Variants in DIP2C observed in about 807,000 individuals in gnomAD.
The protein encoded by DIP2C is DIP2 acetate--CoA ligase C (putative), also known as disco-interacting protein 2 homolog C.
In DIP2C, 33 loss-of-function variants were observed where a neutral mutation model predicts 192.4. The observed-to-expected ratio is 0.17, with a 90% CI of 0.13 to 0.23. The LOEUF (loss-of-function observed/expected upper bound fraction) is 0.23, where lower values mean the gene tolerates loss of function less well. DIP2C is among the 10% of genes least tolerant of loss of function. The pLI is 1.00. For missense variants in DIP2C, 1,537 were observed against 2,110.1 expected (o/e 0.73, Z 5.32); for synonymous variants, 979 against 864.1 (o/e 1.13, Z -2.33).
intron 1 of DIP2C, among the ~76,000 whole-genome samples, chr10:502,001 T>C (rs944329644): frequency 6.6e-6 from 1 of 151,912 alleles, no homozygotes; most frequent in Non-Finnish European, 1.5e-5. Context: ...AATTAATTAA[T>C]TGGGTATGAC....
intron 1 of DIP2C, among the ~76,000 whole-genome samples, chr10:556,903 C>T (rs1381301460): frequency 6.6e-6 from 1 of 151,478 alleles, no homozygotes; most frequent in African/African-American, 2.4e-5. Context: ...CCTTCACAGC[C>T]CATCAAACCT....
At chr10:489,464 C>T (rs983455054) in intron 1 of DIP2C, among the ~76,000 whole-genome samples, 3 of 152,238 alleles carry the variant, frequency 2.0e-5, no homozygotes, top group Non-Finnish European at 4.4e-5. Flanking sequence ...AGCTAGCTGG[C>T]TGACTACACA....
intron 30 of DIP2C, 94 bp downstream of exon 30, chr10:329,339 G>A: frequency 7.6e-7 from 1 of 1,313,002 alleles, no homozygotes; most frequent in South Asian, 1.7e-5. Context: ...TGTTTTGGAG[G>A]ACTGTTTTAA....
intron 1 of DIP2C, among the ~76,000 whole-genome samples, chr10:575,029 G>A (rs1178577646): frequency 6.6e-6 from 1 of 152,100 alleles, no homozygotes; most frequent in South Asian, 2.1e-4. Flanking sequence ...GAGATGCCAG[G>A]CGCTCACAAA....
intron 24 of DIP2C, among the ~76,000 whole-genome samples, chr10:352,233 C>G (rs1032017520): frequency 6.6e-5 from 10 of 152,240 alleles, no homozygotes; most frequent in Admixed American, 3.9e-4. Flanking sequence ...ATTTGAGAGG[C>G]TCAGATGAGA....
intron 3 of DIP2C, among the ~76,000 whole-genome samples, chr10:464,556 T>C (rs985909395): frequency 8.2e-4 from 29 of 35,510 alleles, no homozygotes; most frequent in South Asian, 4.6e-3. Context: ...GTTCAACCAT[T>C]GTGGAAGAGT....
intron 24 of DIP2C, among the ~76,000 whole-genome samples, chr10:352,851 T>A (rs187930441): frequency 1.3e-5 from 2 of 152,262 alleles, no homozygotes; most frequent in East Asian, 3.9e-4. Context: ...CGTGACACTG[T>A]TCCTCAGCCT....
chr10:275,224 T>C lies in DIP2C; in HGVS notation c.*2101A>G, dbSNP rs1168288147. The C allele has an allele frequency of 6.6e-6, 1 of 152,242 alleles. No individual in the cohort carries two copies. The highest frequency in any genetic ancestry group is 1.5e-5 in the Non-Finnish European group (1 of 68,054). The allele number at this position is 152,242 out of a possible 1,614,324, so 9.4% of individuals were successfully genotyped here. A position where few individuals can be genotyped will look rare whatever the true frequency, so the allele number is the denominator to read the frequency against. ...ACTGCAGCTAATGTTTCATAGTCAG[T>C]GCCTGGCCTGAAGCCCCAAACCTAC... On this transcript the variant is annotated 3_prime_UTR_variant, in exon 37 of 37. Transcript: ENST00000280886.
chr10:552,175 C>T (rs1848627519), intron 1 of DIP2C, among the ~76,000 whole-genome samples: 1 of 152,224 alleles, frequency 6.6e-6, no homozygotes, highest in Non-Finnish European at 1.5e-5. Context: ...AGAATGGCAA[C>T]TAATCTGAGA....
chr10:498,897 T>C (rs1024326157), intron 1 of DIP2C, among the ~76,000 whole-genome samples: 3 of 152,184 alleles, frequency 2.0e-5, no homozygotes, highest in African/African-American at 7.2e-5. Flanking sequence ...TTCTGAGAGC[T>C]GTGAATGTGG....
intron 3 of DIP2C, among the ~76,000 whole-genome samples, chr10:464,502 C>T (rs559179112): frequency 6.6e-6 from 1 of 152,228 alleles, no homozygotes; most frequent in Non-Finnish European, 1.5e-5. Context: ...ACAACAGATG[C>T]TGGAGAGGAT....
rs532065313 is a variant in DIP2C, at chr10:642,220, G to A, written c.85+47274C>T. 3.3e-5 allele frequency among the ~76,000 whole-genome samples: 5 copies of A among 152,262 alleles called. No homozygotes were observed. In the East Asian group the frequency reaches 7.7e-4, roughly 24 times the overall value. Reference sequence around the variant, plus strand: ...ATCCTGGCCTCTTTAAGCAGGACTCGCTGGTGTGCTAGCAAAGCAGTGCTC... The same window carrying A: ...ATCCTGGCCTCTTTAAGCAGGACTCACTGGTGTGCTAGCAAAGCAGTGCTC... On this transcript the variant is annotated intron_variant, in intron 1 of 36. Coordinates refer to ENST00000280886, the MANE Select transcript of DIP2C (RefSeq NM_014974.3).
chr10:669,382 G>A (rs1048339112), intron 1 of DIP2C: 2 of 152,194 alleles, frequency 1.3e-5, no homozygotes, highest in Admixed American at 6.5e-5. Flanking sequence ...GGCAGACACT[G>A]AATGCCTGAC....
At chr10:590,662 A>T (rs1851345061) in intron 1 of DIP2C, among the ~76,000 whole-genome samples, 1 of 152,196 alleles carries the variant, frequency 6.6e-6, no homozygotes, top group African/African-American at 2.4e-5. Context: ...GCTCCTACAC[A>T]ACACTATATC....
chr10:650,500 T>C (rs1229289084), intron 1 of DIP2C: 2 of 698,210 alleles, frequency 2.9e-6, no homozygotes, highest in Non-Finnish European at 5.2e-6. Flanking sequence ...CTGGGTTCCC[T>C]ATACTCTTCC....
chr10:318,230 CTTT>C (rs1956861243), intron 31 of DIP2C, among the ~76,000 whole-genome samples: 2 of 152,206 alleles, frequency 1.3e-5, no homozygotes, highest in Non-Finnish European at 2.9e-5. Flanking sequence ...AACTCCTCCA[CTTT>C]TTGAGTCCTG....
chr10:330,172 C>A (rs895993302), intron 29 of DIP2C, among the ~76,000 whole-genome samples: 1 of 152,004 alleles, frequency 6.6e-6, no homozygotes, highest in African/African-American at 2.4e-5. Context: ...AACTGACAGC[C>A]AGGGTGAAAA....
intron 31 of DIP2C, among the ~76,000 whole-genome samples, chr10:316,319 G>A (rs1047709621): frequency 6.6e-6 from 1 of 152,184 alleles, no homozygotes; most frequent in Non-Finnish European, 1.5e-5. Flanking sequence ...ACAAGCCTAT[G>A]GGCAGGATCC....
In DIP2C at chr10:472,452, C is replaced by T. The variant is rs757914449; in HGVS notation, c.255G>A (p.Glu85=). ...HRRRSSGSRD[E]RYRSDVHTEA... ...CCCCGTGCTTACCTGACCGATAGCGCTCATCTCGTGACCCTGAAGACCGTC... is the reference window on the plus strand; with the variant it reads ...CCCCGTGCTTACCTGACCGATAGCGTTCATCTCGTGACCCTGAAGACCGTC... Residue 85 remains glutamate, a synonymous_variant, in exon 3 of 37, where the codon GAG becomes GAA. Coordinates refer to ENST00000280886, the MANE Select transcript of DIP2C (RefSeq NM_014974.3). 10 of 1,614,044 alleles carry T rather than the reference C, an allele frequency of 6.2e-6. No individual in the cohort carries two copies. The highest frequency in any genetic ancestry group is 8.5e-6 in the Non-Finnish European group (10 of 1,180,022).
Sources: allele counts gnomAD v4.1 joint callset (sites outside exome capture counted in the v4.1 genomes callset), GRCh38; gene constraint gnomAD v4.1.1; transcripts MANE v1.5; gene names NCBI Gene and HGNC (gene_info 2026-07-23, HGNC 2026-07-21).